The following MYH10 variants were observed in gnomAD, a reference collection of about 807,000 sequenced individuals.
MYH10 encodes the protein myosin-10.
MYH10 carries 55 observed loss-of-function variants against 257.8 expected under a neutral mutation model. The ratio of observed to expected loss-of-function variants is 0.21; its 90% CI spans 0.17 to 0.27. MYH10 has a LOEUF of 0.27. Among genes scored for constraint, MYH10 ranks in the 10% least tolerant of loss-of-function variants. MYH10 has a pLI of 1.00. For synonymous variants in MYH10, 854 were observed against 921.7 expected (o/e 0.93, Z 1.33); for missense variants, 1,631 against 2,500.6 (o/e 0.65, Z 7.42).
At position 8,614,821 on chromosome 17, in the gene MYH10, A is replaced by G. The variant is rs147682998; in HGVS notation, c.345+8081T>C. Among the ~76,000 whole-genome samples, 1,002 of 152,336 alleles carry G rather than the reference A, an allele frequency of 6.6e-3. 13 individuals are homozygous for G. Among genetic ancestry groups the G allele is most frequent in the African/African-American group, 0.023 (952 of 41,586 alleles). On this transcript the variant is annotated intron_variant, in intron 2 of 42. Transcript: ENST00000360416. ...TTATTTGCAAAGAATAAAAAAATTG[A>G]TAAGCCTCTGGTGACACTCATTTTA... is the stretch of plus-strand genomic sequence containing the variant.
chr17:8,541,824 G>A (rs1000310135), intron 14 of MYH10, among the ~76,000 whole-genome samples: 11 of 152,148 alleles, frequency 7.2e-5, no homozygotes, highest in African/African-American at 2.4e-4. Flanking sequence ...CCAGCGCACA[G>A]GGCCATCTGC....
chr17:8,610,808 CTT>C (rs929862926), intron 2 of MYH10, among the ~76,000 whole-genome samples: 2 of 152,216 alleles, frequency 1.3e-5, no homozygotes, highest in Non-Finnish European at 2.9e-5. Flanking sequence ...ATAAACTTCT[CTT>C]GTTTATAAAT....
chr17:8,505,439 T>C lies in MYH10; in HGVS notation c.3387-533A>G, dbSNP rs554420534. 2.0e-5 allele frequency among the ~76,000 whole-genome samples: 3 copies of C among 152,320 alleles called. 1 individual carries two copies. Among genetic ancestry groups the C allele is most frequent in the Admixed American group, 2.0e-4 (3 of 15,300 alleles). The stretch of plus-strand genomic sequence containing the variant: ...TTAAAATGTTGGAAGATTTTTCTGA[T>C]TGGGAATAGTTGGGATGTTTGAGGT... On this transcript the variant is annotated intron_variant, in intron 27 of 42. Coordinates refer to ENST00000360416, the MANE Select transcript of MYH10 (RefSeq NM_001256012.3).
rs1218236854 is a variant in MYH10 at position 8,548,329 on chromosome 17, G to A, written c.1143C>T (p.Ser381=). ...TCAGTTTACCTGTATTTTCTGGCAT[G>A]GAAGCTTGATCAGTATTTCTCTCCT... ...FKKERNTDQA[S]MPENTVAQKL... The change falls in exon 11 of 43, where the codon TCC becomes TCT. Residue 381 remains serine (S), a synonymous_variant. Transcript: ENST00000360416. 6.2e-7 allele frequency: 1 copy of A among 1,611,064 alleles called. No homozygotes were observed. The highest frequency in any genetic ancestry group is 1.1e-5 in the South Asian group (1 of 90,862).
Position 8,564,969 on chromosome 17 carries a change from C to T in MYH10, c.756+4751G>A, listed in dbSNP as rs1033590225. Among the ~76,000 whole-genome samples the T allele has an allele frequency of 4.0e-4, 61 of 152,108 alleles. 1 individual carries two copies. The highest frequency in any genetic ancestry group is 1.4e-3 in the African/African-American group (58 of 41,416). On this transcript the variant is annotated intron_variant, in intron 7 of 42. Coordinates refer to ENST00000360416, the MANE Select transcript of MYH10 (RefSeq NM_001256012.3). ...CTGAAACACCTTCTAGATGTTTAAC[C>T]AACAGGATTCACTGTTGGCCTGGAC...
intron 4 of MYH10, among the ~76,000 whole-genome samples, chr17:8,587,223 G>C (rs949751648): frequency 2.6e-5 from 4 of 152,144 alleles, no homozygotes; most frequent in Non-Finnish European, 5.9e-5. Flanking sequence ...AGCTGAGCCT[G>C]GCCCAGATCT....
rs2081376332 is a variant in MYH10 at position 8,513,834 on chromosome 17, G to A, written c.2565C>T (p.Ala855=). Residue 855 remains alanine (A), a synonymous_variant, in exon 22 of 43, where the codon GCC becomes GCT. Coordinates refer to ENST00000360416, the MANE Select transcript of MYH10 (RefSeq NM_001256012.3). ...GCCAGTGCCGTAATTTCAGGTACGC[G>A]GCACAGTTCCGCTGCAAGACCTTTA... ...SALKVLQRNC[A]AYLKLRHWQW... is the part of the protein sequence containing the mutation. 2 of 1,614,066 alleles carry A rather than the reference G, an allele frequency of 1.2e-6. No homozygotes were observed. The highest frequency in any genetic ancestry group is 1.7e-5 in the Admixed American group (1 of 60,006).
At chr17:8,563,144 T>G (rs2151986640) in intron 7 of MYH10, among the ~76,000 whole-genome samples, 1 of 152,334 alleles carries the variant, frequency 6.6e-6, no homozygotes, top group Middle Eastern at 3.4e-3. Flanking sequence ...TGTTAGCTAT[T>G]TGCCCTAAAT....
chr17:8,495,860 C>A (rs1369557091), intron 30 of MYH10, among the ~76,000 whole-genome samples: 1 of 151,976 alleles, frequency 6.6e-6, no homozygotes, highest in Non-Finnish European at 1.5e-5. Flanking sequence ...CAGGCGCTTG[C>A]TACCGCGCCC....
At chr17:8,614,804 A>G (rs1331816665) in intron 2 of MYH10, among the ~76,000 whole-genome samples, 1 of 152,220 alleles carries the variant, frequency 6.6e-6, no homozygotes, top group Non-Finnish European at 1.5e-5. Context: ...TATTATTTGC[A>G]AAGAATAAAA....
chr17:8,520,767 A>T lies in MYH10; in HGVS notation c.2273+111T>A. Reference sequence around the variant, plus strand: ...CTCACTATATGTTTGCTATATAAGAAAACAAACTATGTAGGGGACAAGGAA... The same window carrying T: ...CTCACTATATGTTTGCTATATAAGATAACAAACTATGTAGGGGACAAGGAA... On this transcript the variant is annotated intron_variant, in intron 19 of 42. Transcript: ENST00000360416. 2.4e-6 allele frequency: 3 copies of T among 1,255,844 alleles called. No individual in the cohort carries two copies. The South Asian group carries it at 4.8e-5, about 20-fold the overall frequency. 77.8% of individuals were successfully genotyped at this position (1,255,844 alleles called of 1,614,324 possible).
chr17:8,478,758 T>A (rs1306655167), intron 40 of MYH10, among the ~76,000 whole-genome samples: 1 of 152,208 alleles, frequency 6.6e-6, no homozygotes, highest in African/African-American at 2.4e-5. Flanking sequence ...TGAGATGCAG[T>A]CTTGCTCTGT....
At chr17:8,511,059 T>TATATATATAC (rs1222415877) in intron 24 of MYH10, 12 of 88,686 alleles carry the variant, frequency 1.4e-4, no homozygotes, top group African/African-American at 6.7e-4. Context: ...TATATATATA[T>TATATATATAC]ACACACATAC....
chr17:8,543,761 C>T (rs986592076), intron 13 of MYH10, among the ~76,000 whole-genome samples: 2 of 152,198 alleles, frequency 1.3e-5, no homozygotes, highest in Non-Finnish European at 2.9e-5. Context: ...CGTGAGCCAC[C>T]ACGCCCGGCC....
intron 16 of MYH10, among the ~76,000 whole-genome samples, chr17:8,533,931 C>T (rs530080737): frequency 6.6e-6 from 1 of 152,200 alleles, no homozygotes; most frequent in African/African-American, 2.4e-5. Flanking sequence ...ATCCTTACGA[C>T]TGCAACATTA....
At position 8,504,100 on chromosome 17, in the gene MYH10, G is replaced by A. The variant is rs1259425029; in HGVS notation, c.3599+594C>T. Among the ~76,000 whole-genome samples the A allele has an allele frequency of 6.6e-6, 1 of 152,202 alleles. No individual in the cohort carries two copies. The highest frequency in any genetic ancestry group is 2.4e-5 in the African/African-American group (1 of 41,442). ...CTGCCACACTGCAGCTTTCTACCCA[G>A]GAGCCTTCTCTGGCCATGTTCACCT... On this transcript the variant is annotated intron_variant, in intron 28 of 42. Transcript: ENST00000360416. This position sits in a 1 kb window ranked among gnomAD's most constrained non-coding sequence, Gnocchi z 5.6.
At chr17:8,522,201 C>T (rs1400614731) in intron 17 of MYH10, among the ~76,000 whole-genome samples, 1 of 152,258 alleles carries the variant, frequency 6.6e-6, no homozygotes, top group Non-Finnish European at 1.5e-5. Context: ...ATGCCCTCCT[C>T]AACCCTAATG....
chr17:8,609,467 G>C (rs2084943106), intron 2 of MYH10, among the ~76,000 whole-genome samples: 1 of 151,862 alleles, frequency 6.6e-6, no homozygotes, highest in Non-Finnish European at 1.5e-5. Context: ...ATCATTCAGA[G>C]GATTCAGAAA....
intron 21 of MYH10, among the ~76,000 whole-genome samples, chr17:8,516,066 A>G (rs2081459549): frequency 6.6e-6 from 1 of 152,158 alleles, no homozygotes; most frequent in African/African-American, 2.4e-5. Flanking sequence ...CATGCCGGGC[A>G]CTTTGTTTAG....
Sources: allele counts gnomAD v4.1 joint callset (sites outside exome capture counted in the v4.1 genomes callset), GRCh38; gene constraint gnomAD v4.1.1; non-coding constraint Gnocchi (gnomAD v3.1); transcripts MANE v1.5; gene names NCBI Gene and HGNC (gene_info 2026-07-23, HGNC 2026-07-21).